RAB3IL1: variants seen among roughly 807,000 people sequenced by gnomAD.
The protein encoded by RAB3IL1 is RAB3A interacting protein like 1.
RAB3IL1 carries 37 observed loss-of-function variants against 49.2 expected under a neutral mutation model. The observed-to-expected ratio is 0.75, with a 90% CI of 0.58 to 0.99. RAB3IL1 has a LOEUF of 0.99. Among genes scored for constraint, RAB3IL1 ranks in the 50% least tolerant of loss-of-function variants. RAB3IL1 has a pLI of 0.00. For synonymous variants in RAB3IL1, 193 were observed against 213.9 expected, an observed-to-expected ratio of 0.90 and a Z score of 0.85; for missense variants, 484 against 513.0, an observed-to-expected ratio of 0.94 and a Z score of 0.55.
chr11:61,906,566 C>A lies in RAB3IL1; in HGVS notation c.557G>T (p.Arg186Leu), dbSNP rs377567413. Residue 186 changes from arginine to leucine, a missense_variant, in exon 5 of 10, where the codon CGA (arginine) becomes CTA (leucine). Transcript: ENST00000394836. The surrounding 1 kb of genome is among the most constrained non-coding windows in gnomAD (Gnocchi z 4.6). The part of the protein sequence containing the change: ...QLLSPTKAGP[R>L]KGHSRHKSTS... ...GCTCTTGTGGCGAGAGTGGCCCTTT[C>A]GGGGCCCGGCCTTGGTGGGGCTCAG... is the stretch of plus-strand genomic sequence containing the variant. The A allele has an allele frequency of 6.3e-7, 1 of 1,594,890 alleles. No homozygotes were observed. The highest frequency in any genetic ancestry group is 8.5e-7 in the Non-Finnish European group (1 of 1,171,108).
At chr11:61,944,498 AAGCCAGGTTCTAGAAGTCAGC>A in the RAB3IL1 span, among the ~76,000 whole-genome samples, 1 of 152,118 alleles carries the variant, frequency 6.6e-6, no homozygotes, top group African/African-American at 2.4e-5. Context: ...TCAGTTTGAG[AAGCCAGGTTCTAGAAGTCAGC>A]AGCAGGAAGG....
chr11:61,937,082 T>A, the RAB3IL1 span, among the ~76,000 whole-genome samples: 1 of 152,158 alleles, frequency 6.6e-6, no homozygotes, highest in Admixed American at 6.5e-5. Context: ...ATTACTGTAT[T>A]TTTAGTTTAA....
At chr11:61,936,097 A>G in the RAB3IL1 span, among the ~76,000 whole-genome samples, 1 of 152,228 alleles carries the variant, frequency 6.6e-6, no homozygotes, top group Non-Finnish European at 1.5e-5. Flanking sequence ...AGATAAGTCC[A>G]CTGAGATTAA....
At chr11:61,905,684 T>C (rs936530740) in intron 5 of RAB3IL1, among the ~76,000 whole-genome samples, 1 of 152,048 alleles carries the variant, frequency 6.6e-6, no homozygotes, top group African/African-American at 2.4e-5. Flanking sequence ...CTGGAGGCCC[T>C]GGAGACAGAG....
intron 1 of RAB3IL1, among the ~76,000 whole-genome samples, chr11:61,915,689 T>C (rs1288521826): frequency 6.6e-6 from 1 of 152,098 alleles, no homozygotes; most frequent in African/African-American, 2.4e-5. Context: ...GCCTCCTTCC[T>C]CCAAGCACAA....
At chr11:61,932,458 C>T in the RAB3IL1 span, among the ~76,000 whole-genome samples, 1 of 152,078 alleles carries the variant, frequency 6.6e-6, no homozygotes, top group Non-Finnish European at 1.5e-5. Context: ...TTGCTTATAT[C>T]AGTCTTCAAA....
Position 61,906,696 on chromosome 11 carries a change from G to T in RAB3IL1, c.439-12C>A. The T allele has an allele frequency of 6.3e-7, 1 of 1,598,490 alleles. No homozygotes were observed. The highest frequency in any genetic ancestry group is 8.5e-7 in the Non-Finnish European group (1 of 1,172,960). ...TGCAGCATGTCGATCTGCATGGGAT[G>T]GGATGGCTGTCAACCCTCACCCAGA... is the stretch of plus-strand genomic sequence containing the variant. On this transcript the variant is annotated splice_polypyrimidine_tract_variant and intron_variant, in intron 4 of 9. Transcript: ENST00000394836. The surrounding 1 kb of genome is among the most constrained non-coding windows in gnomAD (Gnocchi z 4.6).
the RAB3IL1 span, among the ~76,000 whole-genome samples, chr11:61,928,193 C>A: frequency 2.0e-5 from 3 of 151,608 alleles, no homozygotes; most frequent in Admixed American, 6.6e-5. Flanking sequence ...GAAAAAGAGG[C>A]TATAATTCTT....
chr11:61,917,723 A>C, upstream of RAB3IL1: 6 of 263,534 alleles, frequency 2.3e-5, no homozygotes, highest in Non-Finnish European at 3.5e-5. Context: ...CCGGCCCCCA[A>C]CATCCCGCGG....
At chr11:61,934,319 TAC>T in the RAB3IL1 span, among the ~76,000 whole-genome samples, 1,350 of 126,520 alleles carry the variant, frequency 0.011, 14 homozygotes, top group African/African-American at 0.02. Context: ...TGAGTAAATA[TAC>T]ACACACACAC....
chr11:61,934,426 A>ATGAGTG, the RAB3IL1 span, among the ~76,000 whole-genome samples: 1 of 41,826 alleles, frequency 2.4e-5, no homozygotes, highest in African/African-American at 8.5e-5. Flanking sequence ...ATATATGTGT[A>ATGAGTG]TGTGTGTGTG....
upstream of RAB3IL1, among the ~76,000 whole-genome samples, chr11:61,921,349 G>A (rs574202076): frequency 5.6e-4 from 86 of 152,260 alleles, no homozygotes; most frequent in African/African-American, 2.0e-3. Context: ...CCGTGCCTCA[G>A]TTTCTCCAAC....
intron 9 of RAB3IL1, 82 bp downstream of exon 9, chr11:61,899,232 G>C: frequency 1.4e-6 from 2 of 1,445,608 alleles, no homozygotes; most frequent in Non-Finnish European, 1.9e-6. Flanking sequence ...CTCCACTAGG[G>C]GCAGGTGGGC....
At chr11:61,920,205 A>G, upstream of RAB3IL1, 1 of 1,255,450 alleles carries the variant, frequency 8.0e-7, no homozygotes, top group Non-Finnish European at 1.0e-6. Flanking sequence ...TTGCAAGGCC[A>G]GACTGAGGGT....
At chr11:61,920,177 C>A (rs985890932), upstream of RAB3IL1, 24 of 1,296,894 alleles carry the variant, frequency 1.9e-5, no homozygotes, top group Admixed American at 3.2e-5. Context: ...CCAGCGTGCT[C>A]CTCAGAAGAG....
chr11:61,900,815 T>TA (rs1938873215), intron 8 of RAB3IL1, among the ~76,000 whole-genome samples: 3 of 152,144 alleles, frequency 2.0e-5, no homozygotes, highest in African/African-American at 7.2e-5. Context: ...GCCAGGGACT[T>TA]AAAGTGCTAG....
the RAB3IL1 span, among the ~76,000 whole-genome samples, chr11:61,944,902 T>C: frequency 6.6e-6 from 1 of 152,182 alleles, no homozygotes; most frequent in Non-Finnish European, 1.5e-5. Flanking sequence ...GATTTTGCCA[T>C]GTTGGCCAGG....
chr11:61,922,976 C>T (rs948819270), upstream of RAB3IL1, among the ~76,000 whole-genome samples: 8 of 152,254 alleles, frequency 5.3e-5, no homozygotes, highest in African/African-American at 1.9e-4. Flanking sequence ...CTCCCCATCA[C>T]CCCAACATGG....
At chr11:61,941,981 C>T in the RAB3IL1 span, among the ~76,000 whole-genome samples, 104 of 152,160 alleles carry the variant, frequency 6.8e-4, no homozygotes, top group Non-Finnish European at 1.1e-3. Context: ...GAGGCCTAGG[C>T]GGGCAGATCA....
Sources: gnomAD v4.1 joint callset for allele counts (sites outside exome capture counted in the v4.1 genomes callset) on GRCh38, gnomAD v4.1.1 for gene constraint, Gnocchi (gnomAD v3.1) non-coding constraint, MANE v1.5 for transcripts, NCBI Gene and HGNC (gene_info 2026-07-23, HGNC 2026-07-21) for gene names.